CSMD3: variants seen among roughly 807,000 people sequenced by gnomAD.
The protein encoded by CSMD3 is CUB and Sushi multiple domains 3.
In CSMD3, 177 loss-of-function variants were observed where a neutral mutation model predicts 435.2. The ratio of observed to expected loss-of-function variants is 0.41; its 90% CI spans 0.36 to 0.46. The LOEUF is 0.46. CSMD3 is among the 20% of genes least tolerant of loss of function. The pLI is 0.34. For missense variants in CSMD3, 4,265 were observed against 4,504.6 expected, an observed-to-expected ratio of 0.95 and a Z score of 1.52; for synonymous variants, 1,656 against 1,520.5, an observed-to-expected ratio of 1.09 and a Z score of -2.07.
At position 112,311,100 on chromosome 8, in the gene CSMD3, A is replaced by C. The variant is rs1290698491; in HGVS notation, c.7763T>G (p.Leu2588Arg). ...GYIISQTGGQ[L>R]NSVVRWACDR... ...ACAGGCCCAACGGACCACACTGTTA[A>C]GCTGCCCACCTGTCTGACTGATAAT... Residue 2588 changes from leucine (L) to arginine (R), a missense_variant, in exon 50 of 71, where the codon CTT becomes CGT. Transcript: ENST00000297405. 6.2e-7 allele frequency: 1 copy of C among 1,613,982 alleles called. No homozygotes were observed. Among genetic ancestry groups the C allele is most frequent in the East Asian group, 2.2e-5 (1 of 44,882 alleles).
chr8:112,474,863 T>A (rs1407675399), intron 31 of CSMD3, among the ~76,000 whole-genome samples: 2 of 152,154 alleles, frequency 1.3e-5, no homozygotes, highest in Non-Finnish European at 2.9e-5. Context: ...AAGGTAATAG[T>A]TAGAATTAAA....
chr8:112,847,038 A>G (rs1036705065), intron 11 of CSMD3, among the ~76,000 whole-genome samples: 3 of 152,034 alleles, frequency 2.0e-5, no homozygotes, highest in Admixed American at 6.6e-5. Flanking sequence ...TTGTATCAAG[A>G]TCTTCACTCT....
At chr8:112,436,824 A>G (rs560484163) in intron 32 of CSMD3, among the ~76,000 whole-genome samples, 1 of 152,170 alleles carries the variant, frequency 6.6e-6, no homozygotes, top group East Asian at 1.9e-4. Context: ...CATTTCAAAT[A>G]TATTATTGGA....
intron 38 of CSMD3, among the ~76,000 whole-genome samples, chr8:112,370,487 C>T (rs1828283762): frequency 6.6e-6 from 1 of 152,004 alleles, no homozygotes; most frequent in South Asian, 2.1e-4. Flanking sequence ...GCTTATAAGC[C>T]CCACTTACTT....
At chr8:112,540,286 C>T (rs577243320) in intron 27 of CSMD3, among the ~76,000 whole-genome samples, 1 of 151,742 alleles carries the variant, frequency 6.6e-6, no homozygotes, top group South Asian at 2.1e-4. Context: ...AAATAACATG[C>T]TGAGAAAGAT....
intron 3 of CSMD3, among the ~76,000 whole-genome samples, chr8:113,223,029 G>A (rs1563567655): frequency 6.7e-6 from 1 of 150,312 alleles, no homozygotes; most frequent in Non-Finnish European, 1.5e-5. Flanking sequence ...ACTTCATTTT[G>A]CTTATTCCTA....
At chr8:112,498,960 AT>A (rs1202505658) in intron 30 of CSMD3, among the ~76,000 whole-genome samples, 1 of 152,272 alleles carries the variant, frequency 6.6e-6, no homozygotes, top group East Asian at 1.9e-4. Context: ...AAACTGAATA[AT>A]TACTGTGTGT....
chr8:112,489,464 C>T lies in CSMD3; in HGVS notation c.5278+3025G>A, dbSNP rs191360331. On this transcript the variant is annotated intron_variant, in intron 31 of 70. Transcript: ENST00000297405. Reference sequence around the variant, plus strand: ...ATATTAAGTTATTACATCTGAAAGTCAGCCAGTCCTGTGTATAAGTGCTGA... The same window carrying T: ...ATATTAAGTTATTACATCTGAAAGTTAGCCAGTCCTGTGTATAAGTGCTGA... Among the ~76,000 whole-genome samples the T allele has an allele frequency of 3.5e-3, 539 of 152,176 alleles. 2 individuals carry two copies. Among genetic ancestry groups the T allele is most frequent in the Non-Finnish European group, 6.4e-3 (434 of 67,974 alleles).
At chr8:112,252,171 T>C (rs1815325703) in intron 63 of CSMD3, among the ~76,000 whole-genome samples, 1 of 151,926 alleles carries the variant, frequency 6.6e-6, no homozygotes, top group East Asian at 1.9e-4. Context: ...CTAACAGCTG[T>C]GATTTTGCGT....
intron 4 of CSMD3, among the ~76,000 whole-genome samples, chr8:113,136,592 G>A (rs72685871): frequency 0.096 from 14,602 of 151,644 alleles, 909 homozygotes; most frequent in Middle Eastern, 0.17. Flanking sequence ...TGATCACGGC[G>A]ACATAGGCAA....
chr8:113,303,567 T>C (rs1404127261), intron 2 of CSMD3, among the ~76,000 whole-genome samples: 9 of 147,484 alleles, frequency 6.1e-5, no homozygotes, highest in Non-Finnish European at 9.0e-5. Context: ...AACAGAGATA[T>C]AGATCAATGG....
At chr8:112,353,962 A>G (rs1826363731) in intron 38 of CSMD3, among the ~76,000 whole-genome samples, 1 of 152,210 alleles carries the variant, frequency 6.6e-6, no homozygotes, top group African/African-American at 2.4e-5. Flanking sequence ...AATACTATCA[A>G]ACCAACTCCA....
Position 112,516,416 on chromosome 8 carries a change from T to A in CSMD3, c.4756+618A>T, listed in dbSNP as rs1055414836. ...ATAGCATATTTTCTAACTATTTTTA[T>A]TCCAAAAGCGGGACATTCCTCTAAG... is the stretch of plus-strand genomic sequence containing the variant. On this transcript the variant is annotated intron_variant, in intron 28 of 70. Transcript: ENST00000297405. Among the ~76,000 whole-genome samples the A allele has an allele frequency of 4.6e-5, 7 of 152,180 alleles. No homozygotes were observed. In the East Asian group the frequency reaches 1.3e-3, roughly 29 times the overall value.
At chr8:113,154,931 A>G (rs1488972979) in intron 4 of CSMD3, among the ~76,000 whole-genome samples, 2 of 152,018 alleles carry the variant, frequency 1.3e-5, no homozygotes, top group Non-Finnish European at 2.9e-5. Context: ...TTGTGTCCTA[A>G]TGATCAGGAC....
At chr8:113,031,182 A>G (rs1475934890) in intron 5 of CSMD3, among the ~76,000 whole-genome samples, 1 of 151,714 alleles carries the variant, frequency 6.6e-6, no homozygotes, top group East Asian at 1.9e-4. Context: ...TATTCACACA[A>G]AAACCTGTAC....
At chr8:112,731,695 A>AT (rs1283178380) in intron 13 of CSMD3, among the ~76,000 whole-genome samples, 1 of 151,874 alleles carries the variant, frequency 6.6e-6, no homozygotes, top group African/African-American at 2.4e-5. Flanking sequence ...TTGATATGTG[A>AT]TTTTCCCAGG....
chr8:112,883,470 T>A (rs1442363520), intron 10 of CSMD3, among the ~76,000 whole-genome samples: 2 of 152,012 alleles, frequency 1.3e-5, no homozygotes, highest in Non-Finnish European at 2.9e-5. Context: ...AAATAGGTAG[T>A]GTTTTTCTAA....
At chr8:113,333,515 C>T (rs548543412) in intron 1 of CSMD3, among the ~76,000 whole-genome samples, 8 of 151,894 alleles carry the variant, frequency 5.3e-5, no homozygotes, top group Non-Finnish European at 1.2e-4. Context: ...TGATCCAGCA[C>T]TATTTAGTAA....
intron 1 of CSMD3, among the ~76,000 whole-genome samples, chr8:113,343,524 G>A (rs1286361276): frequency 6.6e-6 from 1 of 152,174 alleles, no homozygotes. Flanking sequence ...CATTGGAAAA[G>A]ATAGTGCCTT....
Sources: allele counts gnomAD v4.1 joint callset (sites outside exome capture counted in the v4.1 genomes callset), GRCh38; gene constraint gnomAD v4.1.1; transcripts MANE v1.5; gene names NCBI Gene and HGNC (gene_info 2026-07-23, HGNC 2026-07-21).